CHD9: variants seen among roughly 807,000 people sequenced by gnomAD.
CHD9 encodes the protein chromodomain helicase DNA binding protein 9, also known as ATP-dependent chromatin remodeler CHD9.
Under a neutral mutation model 316.1 loss-of-function variants are expected in CHD9, and 77 were observed. The ratio of observed to expected loss-of-function variants is 0.24; its 90% CI spans 0.20 to 0.29. The LOEUF is 0.29. Ranked by LOEUF, CHD9 falls within the 10% of genes least tolerant of loss-of-function variation. The pLI is 1.00. For synonymous variants in CHD9, 1,129 were observed against 1,158.3 expected (o/e 0.97, Z 0.51); for missense variants, 2,763 against 3,438.1 (o/e 0.80, Z 4.91).
intron 1 of CHD9, among the ~76,000 whole-genome samples, chr16:53,147,178 A>T (rs1182510936): frequency 1.3e-5 from 2 of 152,186 alleles, no homozygotes; most frequent in African/African-American, 2.4e-5. Context: ...GGGGAGTGTG[A>T]AGCATTGGAG....
chr16:53,073,216 C>G (rs1227162332), intron 1 of CHD9, among the ~76,000 whole-genome samples: 1 of 152,206 alleles, frequency 6.6e-6, no homozygotes, highest in Admixed American at 6.5e-5. Context: ...GTGCCTCATA[C>G]CAGTGGAATC....
At position 53,235,180 on chromosome 16, in the gene CHD9, C is replaced by G; in HGVS notation, c.2512-5C>G. ...ACACCATTCATTCTTTGTTTTTCCA[C>G]AAAGGACCGTCCTCCTTCTAATATT... is the stretch of plus-strand genomic sequence containing the variant. On this transcript the variant is annotated splice_polypyrimidine_tract_variant and splice_region_variant and intron_variant, in intron 10 of 38. Coordinates refer to ENST00000447540, the MANE Select transcript of CHD9 (RefSeq NM_001308319.2). 6.4e-7 allele frequency: 1 copy of G among 1,551,238 alleles called. No individual in the cohort carries two copies. The highest frequency in any genetic ancestry group is 8.7e-7 in the Non-Finnish European group (1 of 1,147,072).
chr16:53,187,370 G>A (rs2044109648), intron 2 of CHD9, among the ~76,000 whole-genome samples: 1 of 152,024 alleles, frequency 6.6e-6, no homozygotes, highest in Admixed American at 6.6e-5. Flanking sequence ...AATTAGCTGG[G>A]CATGGTGACA....
intron 1 of CHD9, chr16:53,121,702 T>G (rs1053863040): frequency 4.9e-6 from 1 of 203,912 alleles, no homozygotes; most frequent in Non-Finnish European, 1.0e-5. Context: ...TGAGGTACTT[T>G]AAGCTAGCTA....
intron 1 of CHD9, among the ~76,000 whole-genome samples, chr16:53,135,419 G>A (rs1219689665): frequency 6.6e-6 from 1 of 152,154 alleles, no homozygotes; most frequent in Non-Finnish European, 1.5e-5. Flanking sequence ...TAATACTACA[G>A]TAGTCCAGGA....
intron 1 of CHD9, among the ~76,000 whole-genome samples, chr16:53,138,341 C>G (rs1190669579): frequency 6.6e-6 from 1 of 152,082 alleles, no homozygotes; most frequent in African/African-American, 2.4e-5. Flanking sequence ...AGTGAAATCA[C>G]ATTTGGAGGA....
chr16:53,086,220 T>G (rs1248896237), intron 1 of CHD9, among the ~76,000 whole-genome samples: 3 of 152,174 alleles, frequency 2.0e-5, no homozygotes, highest in Non-Finnish European at 4.4e-5. Flanking sequence ...GTTCTCAAGA[T>G]GCCCATGAAA....
chr16:53,156,087 A>G lies in CHD9; in HGVS notation c.-3A>G, dbSNP rs2041502481. ...CAGCCCGGATTGTTACAGAATTTTC[A>G]AGATGACAGATCCAATGATGGACTT... On this transcript the variant is annotated 5_prime_UTR_variant, in exon 2 of 39. Transcript: ENST00000447540. 1.2e-6 allele frequency: 2 copies of G among 1,608,950 alleles called. No homozygotes were observed. Among genetic ancestry groups the G allele is most frequent in the Non-Finnish European group, 1.7e-6 (2 of 1,177,156 alleles).
intron 8 of CHD9, among the ~76,000 whole-genome samples, chr16:53,229,402 G>A (rs866674864): frequency 1.3e-5 from 2 of 152,152 alleles, no homozygotes; most frequent in Admixed American, 6.5e-5. Context: ...AGTTATTCAA[G>A]TGGAGGAAGT....
intron 36 of CHD9, among the ~76,000 whole-genome samples, chr16:53,316,959 G>C (rs1484779509): frequency 6.6e-6 from 1 of 152,076 alleles, no homozygotes; most frequent in Admixed American, 6.6e-5. Flanking sequence ...AGCACTTTGC[G>C]AGGCCGAGGC....
rs2049733517 is a variant in CHD9, at chr16:53,247,493, A to G, written c.3655A>G (p.Ile1219Val). The change falls in exon 16 of 39, where the codon ATA becomes GTA. Residue 1219 changes from isoleucine to valine, a missense_variant. By Grantham distance (29) the Ile-to-Val change is conservative. This residue lies in a region of CHD9 where 155 missense variants were observed against 291.8 expected (regional missense o/e 0.53). Coordinates refer to ENST00000447540, the MANE Select transcript of CHD9 (RefSeq NM_001308319.2). ...RCLDILEDYL[I>V]HKRYLYERID... ...CCTTGACATTCTGGAGGACTATCTCATACATAAAAGGTAAAGCATACTGAA... is the reference window on the plus strand; with the variant it reads ...CCTTGACATTCTGGAGGACTATCTCGTACATAAAAGGTAAAGCATACTGAA... The G allele has an allele frequency of 6.3e-7, 1 of 1,594,358 alleles. No individual in the cohort carries two copies. The highest frequency in any genetic ancestry group is 2.2e-5 in the East Asian group (1 of 44,494).
At position 53,303,880 on chromosome 16, in the gene CHD9, A is replaced by G. The variant is rs1184032607; in HGVS notation, c.5874A>G (p.Pro1958=). The part of the protein sequence containing the change: ...LKLCHPNPDL[P]VWWECGPHDR... The stretch of plus-strand genomic sequence containing the variant: ...TTTGCCATCCAAATCCAGATTTACC[A>G]GTCTGGTGGGAATGTGGCCCTCATG... Residue 1958 remains proline, a synonymous_variant, in exon 31 of 39, where the codon CCA becomes CCG. Transcript: ENST00000447540. 6.2e-7 allele frequency: 1 copy of G among 1,613,896 alleles called. No homozygotes were observed. The highest frequency in any genetic ancestry group is 1.3e-5 in the African/African-American group (1 of 74,926).
chr16:53,091,517 C>T (rs997958707), intron 1 of CHD9, among the ~76,000 whole-genome samples: 11 of 152,178 alleles, frequency 7.2e-5, no homozygotes, highest in African/African-American at 2.2e-4. Flanking sequence ...AGGGAGGAGG[C>T]GAACGCCGTC....
At chr16:53,092,863 C>T (rs2036067689) in intron 1 of CHD9, among the ~76,000 whole-genome samples, 1 of 152,164 alleles carries the variant, frequency 6.6e-6, no homozygotes, top group Non-Finnish European at 1.5e-5. Flanking sequence ...CCTGCAGCCT[C>T]AATCTCTCAA....
rs534795830 is a variant in CHD9, at chr16:53,114,550, G to A, written c.-164-41376G>A. ...TGGGATTACAGGCGTGAGCCACTGC[G>A]CCTGGCCAGCATTATTTTTTATTAT... On this transcript the variant is annotated intron_variant, in intron 1 of 38. Transcript: ENST00000447540. 7.6e-4 allele frequency among the ~76,000 whole-genome samples: 115 copies of A among 151,300 alleles called. 1 individual carries two copies. Among genetic ancestry groups the A allele is most frequent in the African/African-American group, 2.6e-3 (107 of 41,208 alleles).
chr16:53,157,558 T>C lies in CHD9; in HGVS notation c.1452+17T>C, dbSNP rs12597487. Reference sequence around the variant, plus strand: ...CAGCGACAGGTATGTAGCTCTTTGCTTTTATTTTGGAGATTTGGGGGTAGG... The same window carrying C: ...CAGCGACAGGTATGTAGCTCTTTGCCTTTATTTTGGAGATTTGGGGGTAGG... On this transcript the variant is annotated intron_variant, in intron 2 of 38. Coordinates refer to ENST00000447540, the MANE Select transcript of CHD9 (RefSeq NM_001308319.2). 0.29 allele frequency: 453,573 copies of C among 1,581,504 alleles called. 66,402 individuals are homozygous for C. Among genetic ancestry groups the C allele is most frequent in the Middle Eastern group, 0.33 (1,959 of 5,906 alleles).
In CHD9 at chr16:53,324,438, A is replaced by T. The variant is rs1216462427; in HGVS notation, c.8237A>T (p.Asp2746Val). 2 of 1,613,868 alleles carry T rather than the reference A, an allele frequency of 1.2e-6. No homozygotes were observed. The highest frequency in any genetic ancestry group is 1.7e-6 in the Non-Finnish European group (2 of 1,179,888). ...ESGTEDKKGSDSKESEGKTER... is the reference protein window; with the variant it reads ...ESGTEDKKGSVSKESEGKTER... ...GGGACAGAAGACAAAAAGGGAAGTG[A>T]CTCTAAGGAGTCAGAAGGAAAAACA... The change falls in exon 39 of 39, where the codon GAC (aspartate) becomes GTC (valine). Residue 2746 changes from aspartate to valine, a missense_variant. By Grantham distance (152) the Asp-to-Val change is radical. This residue lies in a region of CHD9 where 298 missense variants were observed against 380.2 expected (regional missense o/e 0.78). Transcript: ENST00000447540.
chr16:53,287,653 G>A (rs967446702), intron 26 of CHD9, among the ~76,000 whole-genome samples: 6 of 152,174 alleles, frequency 3.9e-5, no homozygotes, highest in African/African-American at 1.4e-4. Context: ...CTTGAACCCG[G>A]GAGGTGGAGG....
At chr16:53,139,379 C>CATATAATAAA in intron 1 of CHD9, among the ~76,000 whole-genome samples, 1 of 152,024 alleles carries the variant, frequency 6.6e-6, no homozygotes, top group Non-Finnish European at 1.5e-5. Flanking sequence ...TAATAAGGTG[C>CATATAATAAA]TAATCATATA....
Sources: allele counts gnomAD v4.1 joint callset (sites outside exome capture counted in the v4.1 genomes callset), GRCh38; gene constraint gnomAD v4.1.1; regional missense constraint gnomAD v4.1.1; transcripts MANE v1.5; gene names NCBI Gene and HGNC (gene_info 2026-07-23, HGNC 2026-07-21).